Variants in DIP2B observed in about 807,000 individuals in gnomAD.
DIP2B encodes the protein DIP2 acetate--CoA ligase B (putative).
A neutral mutation model predicts 198.0 loss-of-function variants in DIP2B; 76 were observed. That is an observed-to-expected ratio of 0.38 (90% CI 0.32 to 0.46). DIP2B has a LOEUF of 0.46. DIP2B is among the 20% of genes least tolerant of loss of function. The pLI is 0.99. For missense variants in DIP2B, 1,559 were observed against 1,978.4 expected (o/e 0.79, Z 4.02); for synonymous variants, 701 against 739.1 (o/e 0.95, Z 0.84).
intron 1 of DIP2B, among the ~76,000 whole-genome samples, chr12:50,546,785 A>G (rs1275734076): frequency 1.3e-5 from 2 of 152,150 alleles, no homozygotes; most frequent in Non-Finnish European, 2.9e-5. Context: ...TTTAAAACGT[A>G]TTATGAACTT....
intron 1 of DIP2B, among the ~76,000 whole-genome samples, chr12:50,522,828 A>G (rs573885769): frequency 6.6e-6 from 1 of 152,348 alleles, no homozygotes; most frequent in South Asian, 2.1e-4. Flanking sequence ...ATTTCAGCAG[A>G]ACTCAGATGT....
At chr12:50,641,812 A>G (rs777687067) in intron 3 of DIP2B, among the ~76,000 whole-genome samples, 26 of 152,228 alleles carry the variant, frequency 1.7e-4, no homozygotes, top group Admixed American at 2.6e-4. Context: ...TCCCATGCCC[A>G]CTTCCTGTCC....
At chr12:50,688,070 G>A (rs1472753012) in intron 12 of DIP2B, among the ~76,000 whole-genome samples, 2 of 151,840 alleles carry the variant, frequency 1.3e-5, no homozygotes, top group Non-Finnish European at 2.9e-5. Flanking sequence ...AAATTAGCTG[G>A]GCATGATGAT....
At chr12:50,614,605 A>G (rs1443715219) in intron 1 of DIP2B, among the ~76,000 whole-genome samples, 1 of 152,238 alleles carries the variant, frequency 6.6e-6, no homozygotes, top group East Asian at 1.9e-4. Context: ...CTTAGAGCCC[A>G]TGAGATCCTT....
At chr12:50,664,836 G>T (rs58832802) in intron 4 of DIP2B, among the ~76,000 whole-genome samples, 14,198 of 15,922 alleles carry the variant, frequency 0.89, 6,419 homozygotes, top group Middle Eastern at 1. Flanking sequence ...TTTGGTTTTT[G>T]TTTTTTTTTT....
In DIP2B at chr12:50,541,448, G is replaced by A. The variant is rs138386571; in HGVS notation, c.100+36208G>A. Among the ~76,000 whole-genome samples, 243 of 137,576 alleles carry A rather than the reference G, an allele frequency of 1.8e-3. 1 individual carries two copies. Among genetic ancestry groups the A allele is most frequent in the East Asian group, 0.012 (60 of 4,864 alleles). 90.3% of individuals were successfully genotyped at this position (137,576 alleles called of 152,430 possible). On this transcript the variant is annotated intron_variant, in intron 1 of 37. Transcript: ENST00000301180. ...AAATCCATAGTCACCATCAACTTCT[G>A]TTGGGAGAACAGAGAAAGATAGACT...
chr12:50,655,908 G>A (rs890430315), intron 3 of DIP2B, among the ~76,000 whole-genome samples: 11 of 152,190 alleles, frequency 7.2e-5, no homozygotes, highest in African/African-American at 2.4e-4. Flanking sequence ...CTGGGATGTG[G>A]AGGTTGCAGT....
rs1444143031 is a variant in DIP2B, at chr12:50,651,613, CT to C, written c.302-8578del. ...TTTCCTCATTGTGTAGTTTTGGCACCTTTGTTGAAGATCATTTGACCTTCTA... is the reference window on the plus strand; with the variant it reads ...TTTCCTCATTGTGTAGTTTTGGCACCTTGTTGAAGATCATTTGACCTTCTA... On this transcript the variant is annotated intron_variant, in intron 3 of 37. Coordinates refer to ENST00000301180, the MANE Select transcript of DIP2B (RefSeq NM_173602.3). Among the ~76,000 whole-genome samples, 5 of 152,166 alleles carry C rather than the reference CT, an allele frequency of 3.3e-5. No individual in the cohort carries two copies. The South Asian group carries it at 6.2e-4, about 19-fold the overall frequency.
At chr12:50,664,567 A>G (rs1490811451) in intron 4 of DIP2B, among the ~76,000 whole-genome samples, 1 of 152,080 alleles carries the variant, frequency 6.6e-6, no homozygotes, top group Non-Finnish European at 1.5e-5. Flanking sequence ...TAATGCTATT[A>G]CTCATTCATA....
intron 1 of DIP2B, among the ~76,000 whole-genome samples, chr12:50,574,777 A>G (rs1958644013): frequency 6.6e-6 from 1 of 152,224 alleles, no homozygotes; most frequent in Admixed American, 6.6e-5. Flanking sequence ...GTGCCAGGGT[A>G]GGAGAAGTAG....
chr12:50,518,708 G>A (rs1405342727), intron 1 of DIP2B, among the ~76,000 whole-genome samples: 1 of 151,788 alleles, frequency 6.6e-6, no homozygotes, highest in Non-Finnish European at 1.5e-5. Flanking sequence ...CATCTTAACT[G>A]GTATGTCTCA....
intron 1 of DIP2B, among the ~76,000 whole-genome samples, chr12:50,516,129 G>A (rs897698924): frequency 1.3e-5 from 2 of 151,744 alleles, no homozygotes; most frequent in African/African-American, 4.8e-5. Flanking sequence ...GGGCAAACAG[G>A]CTCCCTCAAG....
intron 1 of DIP2B, among the ~76,000 whole-genome samples, chr12:50,566,372 T>C (rs1316175309): frequency 6.6e-6 from 1 of 152,194 alleles, no homozygotes; most frequent in Admixed American, 6.5e-5. Flanking sequence ...TTAAAAAATA[T>C]TGTTTGCACT....
Position 50,511,378 on chromosome 12 carries a change from G to A in DIP2B, c.100+6138G>A, listed in dbSNP as rs575771331. ...ACGACCTTGGCTCACCACAACCCCC[G>A]CCTTCCGGGCTCAAGCGATTCTCCT... On this transcript the variant is annotated intron_variant, in intron 1 of 37. Transcript: ENST00000301180. Among the ~76,000 whole-genome samples the A allele has an allele frequency of 5.8e-5, 7 of 119,832 alleles. No homozygotes were observed. The South Asian group carries it at 8.8e-4, about 15-fold the overall frequency. 78.6% of individuals were successfully genotyped at this position (119,832 alleles called of 152,430 possible).
intron 1 of DIP2B, among the ~76,000 whole-genome samples, chr12:50,611,610 G>C (rs1959032571): frequency 6.6e-6 from 1 of 151,970 alleles, no homozygotes; most frequent in African/African-American, 2.4e-5. Context: ...CAGTGGATTT[G>C]GGAGCTCCCT....
intron 1 of DIP2B, among the ~76,000 whole-genome samples, chr12:50,545,371 C>T (rs1338593546): frequency 1.5e-5 from 2 of 137,646 alleles, no homozygotes; most frequent in African/African-American, 2.7e-5. Flanking sequence ...CCTTTCCTTC[C>T]TCTCCCCTCC....
chr12:50,522,526 C>G (rs1958129865), intron 1 of DIP2B, among the ~76,000 whole-genome samples: 1 of 152,094 alleles, frequency 6.6e-6, no homozygotes, highest in African/African-American at 2.4e-5. Context: ...ATGGATGCAT[C>G]TTTGGGGTAT....
intron 12 of DIP2B, among the ~76,000 whole-genome samples, chr12:50,690,706 C>T (rs906983026): frequency 2.4e-4 from 36 of 152,336 alleles, no homozygotes; most frequent in African/African-American, 8.4e-4. Flanking sequence ...ACCTTTCACT[C>T]TGCAGTGCTG....
chr12:50,524,209 C>T (rs1958143544), intron 1 of DIP2B, among the ~76,000 whole-genome samples: 1 of 152,168 alleles, frequency 6.6e-6, no homozygotes, highest in Non-Finnish European at 1.5e-5. Flanking sequence ...CACTGTTAAT[C>T]ATGCCCATGT....
Sources: gnomAD v4.1 joint callset for allele counts (sites outside exome capture counted in the v4.1 genomes callset) on GRCh38, gnomAD v4.1.1 for gene constraint, MANE v1.5 for transcripts, NCBI Gene and HGNC (gene_info 2026-07-23, HGNC 2026-07-21) for gene names.